The following ANAPC10 variants were observed in gnomAD, a reference collection of about 807,000 sequenced individuals.
The protein encoded by ANAPC10 is anaphase promoting complex subunit 10.
Under a neutral mutation model 22.0 loss-of-function variants are expected in ANAPC10, and 12 were observed. The ratio of observed to expected loss-of-function variants is 0.55; its 90% confidence interval spans 0.35 to 0.88. ANAPC10 has a LOEUF of 0.88. Among genes scored for constraint, ANAPC10 ranks in the 40% least tolerant of loss-of-function variants. The pLI is 0.01. For synonymous variants in ANAPC10, 65 were observed against 69.5 expected, an observed-to-expected ratio of 0.94 and a Z score of 0.32; for missense variants, 188 against 220.9, an observed-to-expected ratio of 0.85 and a Z score of 0.94.
At chr4:145,077,153 C>T (rs368971108) in intron 3 of ANAPC10, among the ~76,000 whole-genome samples, 1 of 151,968 alleles carries the variant, frequency 6.6e-6, no homozygotes, top group African/African-American at 2.4e-5. Flanking sequence ...GAGCCGAGAT[C>T]GTGCCACTGC....
Position 145,039,927 on chromosome 4 carries a change from T to C in ANAPC10, c.327+24645A>G, listed in dbSNP as rs116012982. ...TTCTTTTAATCTTCACTTTAGATAC[T>C]AGAAATCTGAGGCTAACATTCCAAG... On this transcript the variant is annotated intron_variant, in intron 4 of 4. Transcript: ENST00000507656. Among the ~76,000 whole-genome samples, 419 of 152,164 alleles carry C rather than the reference T, an allele frequency of 2.8e-3. 4 individuals are homozygous for C. Among genetic ancestry groups the C allele is most frequent in the African/African-American group, 7.3e-3 (305 of 41,522 alleles).
At chr4:145,064,543 A>T in intron 4 of ANAPC10, 29 bp downstream of exon 4, 1 of 1,569,756 alleles carries the variant, frequency 6.4e-7, no homozygotes, top group Non-Finnish European at 8.7e-7. Flanking sequence ...TTAAAGGATG[A>T]CATATTTTTA....
intron 4 of ANAPC10, among the ~76,000 whole-genome samples, chr4:145,017,028 A>G (rs1219386400): frequency 7.2e-5 from 11 of 152,148 alleles, no homozygotes; most frequent in Admixed American, 1.3e-4. Context: ...CTAGAAGAAA[A>G]CCTAGGCATT....
At chr4:145,039,010 CAAAAAAAAAAAAAAA>C (rs58285791) in intron 4 of ANAPC10, among the ~76,000 whole-genome samples, 3 of 6,194 alleles carry the variant, frequency 4.8e-4, no homozygotes, top group African/African-American at 4.2e-3. Flanking sequence ...AACAATGTCT[CAAAAAAAAAAAAAAA>C]AAAAAAAAAA....
intron 4 of ANAPC10, among the ~76,000 whole-genome samples, chr4:145,018,996 C>G (rs888998757): frequency 1.3e-5 from 2 of 152,102 alleles, no homozygotes; most frequent in South Asian, 4.1e-4. Context: ...AACACCATAA[C>G]AGTGGGGGAC....
intron 3 of ANAPC10, among the ~76,000 whole-genome samples, chr4:145,078,257 A>C (rs1745466772): frequency 6.6e-6 from 1 of 152,032 alleles, no homozygotes; most frequent in Admixed American, 6.5e-5. Context: ...AATCAAGAAC[A>C]CAATTCCACT....
At chr4:145,074,915 A>T (rs746102445) in intron 3 of ANAPC10, among the ~76,000 whole-genome samples, 1 of 152,194 alleles carries the variant, frequency 6.6e-6, no homozygotes, top group Non-Finnish European at 1.5e-5. Flanking sequence ...TTCCTCCACA[A>T]AGTATAAATC....
chr4:145,068,927 T>C (rs1744091636), intron 3 of ANAPC10, among the ~76,000 whole-genome samples: 1 of 152,132 alleles, frequency 6.6e-6, no homozygotes, highest in Non-Finnish European at 1.5e-5. Context: ...AAGTGAAAAA[T>C]GTCCTCTGTA....
intron 4 of ANAPC10, among the ~76,000 whole-genome samples, chr4:145,022,942 T>C (rs914178871): frequency 1.1e-4 from 17 of 152,110 alleles, no homozygotes; most frequent in African/African-American, 3.9e-4. Flanking sequence ...GTTACATATG[T>C]TTACATGTGC....
At chr4:145,008,160 C>A (rs1274451393) in intron 4 of ANAPC10, among the ~76,000 whole-genome samples, 1 of 151,776 alleles carries the variant, frequency 6.6e-6, no homozygotes, top group Admixed American at 6.6e-5. Flanking sequence ...CCTCAATAGA[C>A]CAATAACAGG....
At chr4:145,040,136 T>C (rs1224857631) in intron 4 of ANAPC10, among the ~76,000 whole-genome samples, 1 of 17,542 alleles carries the variant, frequency 5.7e-5, no homozygotes, top group African/African-American at 9.8e-5. Context: ...TGTATGTGTG[T>C]GTGTGTGTGT....
At chr4:145,048,488 A>T (rs1375648722) in intron 4 of ANAPC10, among the ~76,000 whole-genome samples, 1 of 152,144 alleles carries the variant, frequency 6.6e-6, no homozygotes, top group Non-Finnish European at 1.5e-5. Flanking sequence ...AGATTCTTCT[A>T]CTTACAGATT....
intron 2 of ANAPC10, among the ~76,000 whole-genome samples, chr4:145,086,359 T>C (rs1746894194): frequency 6.6e-6 from 1 of 152,174 alleles, no homozygotes; most frequent in African/African-American, 2.4e-5. Context: ...AATAACAATA[T>C]TACACAGAAA....
At chr4:145,013,037 C>T (rs944305059) in intron 4 of ANAPC10, among the ~76,000 whole-genome samples, 2 of 152,148 alleles carry the variant, frequency 1.3e-5, no homozygotes, top group Non-Finnish European at 2.9e-5. Context: ...AATGTGCCTG[C>T]TTCCCTTTTG....
intron 2 of ANAPC10, among the ~76,000 whole-genome samples, chr4:145,086,105 G>A (rs1285290967): frequency 6.6e-6 from 1 of 152,118 alleles, no homozygotes; most frequent in East Asian, 1.9e-4. Flanking sequence ...TGGGATTACA[G>A]GCGCCTGCCA....
intron 4 of ANAPC10, among the ~76,000 whole-genome samples, chr4:144,999,635 A>T (rs1578855842): frequency 6.6e-6 from 1 of 152,348 alleles, no homozygotes; most frequent in East Asian, 1.9e-4. Context: ...GCCCAAGGTA[A>T]TTTATAGATT....
At chr4:145,003,614 T>A (rs193271381) in intron 4 of ANAPC10, among the ~76,000 whole-genome samples, 2 of 152,202 alleles carry the variant, frequency 1.3e-5, no homozygotes, top group Non-Finnish European at 2.9e-5. Context: ...CCCCCATTGC[T>A]TGTTTTTGTC....
chr4:145,096,255 C>A, intron 1 of ANAPC10, 144 bp from the exon 2 acceptor site: 1 of 913,838 alleles, frequency 1.1e-6, no homozygotes, highest in Admixed American at 3.0e-5. Flanking sequence ...ATAATTAAAT[C>A]ACTGTAATTT....
intron 4 of ANAPC10, among the ~76,000 whole-genome samples, chr4:145,000,685 T>A (rs898963584): frequency 5.3e-5 from 8 of 152,284 alleles, no homozygotes; most frequent in East Asian, 1.9e-4. Flanking sequence ...TGACCCAGCA[T>A]TCCCATTACT....
Sources: allele counts gnomAD v4.1 joint callset (sites outside exome capture counted in the v4.1 genomes callset), GRCh38; gene constraint gnomAD v4.1.1; transcripts MANE v1.5; gene names NCBI Gene and HGNC (gene_info 2026-07-23, HGNC 2026-07-21).